The following PGAM5 variants were observed in gnomAD, a reference collection of about 807,000 sequenced individuals.
The protein encoded by PGAM5 is serine/threonine-protein phosphatase PGAM5, mitochondrial.
In PGAM5, 25 loss-of-function variants were observed where a neutral mutation model predicts 30.6. The observed-to-expected ratio is 0.82, with a 90% CI of 0.60 to 1.14. The LOEUF is 1.14. Among genes scored for constraint, PGAM5 ranks in the 50% most tolerant of loss-of-function variants. The pLI is 0.00. For synonymous variants in PGAM5, 201 were observed against 179.1 expected (o/e 1.12, Z -0.98); for missense variants, 384 against 408.5 (o/e 0.94, Z 0.52).
At position 132,720,654 on chromosome 12, in the gene PGAM5, TTCTCTCTC is replaced by T. The variant is rs550724872; in HGVS notation, c.720-13_720-6del. On this transcript the variant is annotated splice_polypyrimidine_tract_variant and intron_variant, in intron 5 of 5. Transcript: ENST00000498926. ...GAGCCCCCTGGCTCTAACGTGCTCT[TTCTCTCTC>T]TCTCTCTCTCCCCAGAGCACTGCAG... 9 of 1,441,402 alleles carry T rather than the reference TTCTCTCTC, an allele frequency of 6.2e-6. No homozygotes were observed. Among genetic ancestry groups the T allele is most frequent in the South Asian group, 1.3e-5 (1 of 77,434 alleles). The allele number at this position is 1,441,402 out of a possible 1,614,324, so 89.3% of individuals were successfully genotyped here. A position where few individuals can be genotyped will look rare whatever the true frequency, so the allele number is the denominator to read the frequency against.
chr12:132,720,633 C>G, intron 5 of PGAM5, 45 bp from the exon 6 acceptor site: 2 of 1,515,668 alleles, frequency 1.3e-6, no homozygotes, highest in Non-Finnish European at 1.8e-6. Context: ...AGGACAGAGC[C>G]CCCTGGCTCT....
intron 2 of PGAM5, among the ~76,000 whole-genome samples, chr12:132,715,993 G>A (rs114321298): frequency 2.1e-4 from 32 of 152,302 alleles, no homozygotes; most frequent in African/African-American, 6.7e-4. Flanking sequence ...CTTGGAAAGC[G>A]GCGTGGCTTG....
chr12:132,719,269 C>T, intron 5 of PGAM5: 1 of 1,082,756 alleles, frequency 9.2e-7, no homozygotes, highest in Non-Finnish European at 1.1e-6. Context: ...GACAGGACGG[C>T]ACTGGTCAGT....
chr12:132,717,640 C>T, intron 3 of PGAM5, 70 bp from the exon 4 acceptor site: 1 of 1,589,942 alleles, frequency 6.3e-7, no homozygotes, highest in Non-Finnish European at 8.6e-7. Flanking sequence ...GAGCTCCTGG[C>T]CACCGGGAGG....
chr12:132,712,375 TTTGG>T (rs1193706535), intron 1 of PGAM5, among the ~76,000 whole-genome samples: 1 of 152,180 alleles, frequency 6.6e-6, no homozygotes, highest in Non-Finnish European at 1.5e-5. Flanking sequence ...TGGTCAGGGG[TTTGG>T]TAGAAGGTCC....
intron 2 of PGAM5, among the ~76,000 whole-genome samples, chr12:132,716,215 A>G (rs1246274609): frequency 1.3e-5 from 2 of 151,964 alleles, no homozygotes; most frequent in Non-Finnish European, 2.9e-5. Context: ...GCTCCCAAGT[A>G]GCTGGGACTA....
intron 5 of PGAM5, chr12:132,719,256 G>A: frequency 8.9e-7 from 1 of 1,118,998 alleles, no homozygotes; most frequent in Non-Finnish European, 1.1e-6. Context: ...CCTGTGGTGG[G>A]AGGACAGGAC....
At chr12:132,718,648 G>C (rs1465350024) in intron 5 of PGAM5, 1 of 1,145,012 alleles carries the variant, frequency 8.7e-7, no homozygotes, top group Admixed American at 1.8e-5. Context: ...TCCTGGGTAC[G>C]GTGCATGCTG....
At chr12:132,712,170 ATTATAG>A (rs1406384962) in intron 1 of PGAM5, among the ~76,000 whole-genome samples, 3 of 152,232 alleles carry the variant, frequency 2.0e-5, no homozygotes, top group Non-Finnish European at 4.4e-5. Flanking sequence ...ATATAGATTA[ATTATAG>A]TTATTATATT....
intron 5 of PGAM5, chr12:132,718,969 ACT>A (rs1399161916): frequency 1.4e-6 from 2 of 1,480,896 alleles, no homozygotes; most frequent in Non-Finnish European, 1.8e-6. Flanking sequence ...CTGGTGCCCC[ACT>A]CTCAGCACCA....
At position 132,720,895 on chromosome 12, in the gene PGAM5, A is replaced by G. The variant is rs1280025750; in HGVS notation, c.*67A>G. On this transcript the variant is annotated 3_prime_UTR_variant, in exon 6 of 6. Coordinates refer to ENST00000498926, the MANE Select transcript of PGAM5 (RefSeq NM_001170543.2). ...CGCACACACTTAACGTTTTGTTCCC[A>G]AGGAGACCGGCGGAAAGTAGAAACC... The G allele has an allele frequency of 2.0e-6, 3 of 1,470,676 alleles. No individual in the cohort carries two copies. The African/African-American group carries it at 4.2e-5, about 21-fold the overall frequency. 91.1% of individuals were successfully genotyped at this position (1,470,676 alleles called of 1,614,324 possible).
At chr12:132,713,699 C>G (rs1231036380) in intron 1 of PGAM5, among the ~76,000 whole-genome samples, 3 of 152,158 alleles carry the variant, frequency 2.0e-5, no homozygotes, top group South Asian at 2.1e-4. Flanking sequence ...GAGACAGGGT[C>G]TCGCTCTGTT....
At chr12:132,718,665 C>G in intron 5 of PGAM5, 1 of 1,350,016 alleles carries the variant, frequency 7.4e-7, no homozygotes, top group East Asian at 2.3e-5. Flanking sequence ...GCTGGGCGTC[C>G]GCACTGCCCT....
At position 132,715,034 on chromosome 12, in the gene PGAM5, T is replaced by C. The variant is rs536775519; in HGVS notation, c.368T>C (p.Leu123Pro). 4 of 1,608,268 alleles carry C rather than the reference T, an allele frequency of 2.5e-6. No homozygotes were observed. Among genetic ancestry groups the C allele is most frequent in the Non-Finnish European group, 3.4e-6 (4 of 1,177,760 alleles). Residue 123 changes from leucine (L) to proline (P), a missense_variant and splice_region_variant, in exon 2 of 6, where the codon CTG becomes CCG. Transcript: ENST00000498926. Reference sequence around the variant, plus strand: ...GAGAAGGACCGCACTCTGACCCCGCTGGGTATGTGGTGGGTTCAGATCCTC... The same window carrying C: ...GAGAAGGACCGCACTCTGACCCCGCCGGGTATGTGGTGGGTTCAGATCCTC... ...SLEKDRTLTP[L>P]GREQAELTGL...
At chr12:132,719,950 C>CTGCT (rs2043626217) in intron 5 of PGAM5, among the ~76,000 whole-genome samples, 2 of 152,266 alleles carry the variant, frequency 1.3e-5, no homozygotes, top group Non-Finnish European at 2.9e-5. Flanking sequence ...CACTAACTGG[C>CTGCT]TGCTCCCTGC....
intron 5 of PGAM5, chr12:132,719,268 G>A: frequency 2.8e-6 from 3 of 1,082,756 alleles, no homozygotes; most frequent in Admixed American, 4.9e-5. Flanking sequence ...GGACAGGACG[G>A]CACTGGTCAG....
intron 1 of PGAM5, among the ~76,000 whole-genome samples, chr12:132,711,967 C>T (rs1162693085): frequency 6.6e-6 from 1 of 152,138 alleles, no homozygotes; most frequent in Non-Finnish European, 1.5e-5. Flanking sequence ...ACTGCTCTAG[C>T]GGCAAGGATG....
intron 1 of PGAM5, among the ~76,000 whole-genome samples, chr12:132,713,666 G>A (rs554495921): frequency 4.6e-5 from 7 of 152,194 alleles, no homozygotes; most frequent in East Asian, 3.9e-4. Context: ...GCTCTGCCGC[G>A]TTGAACTTTT....
rs756641338 is a variant in PGAM5 at position 132,718,082 on chromosome 12, C to A, written c.681C>A (p.Phe227Leu). The A allele has an allele frequency of 7.1e-5, 115 of 1,612,706 alleles. No homozygotes were observed. Among genetic ancestry groups the A allele is most frequent in the Non-Finnish European group, 9.2e-5 (109 of 1,179,994 alleles). ...ARQEEDSYEI[F>L]ICHANVIRYI... ...AGGAGGAGGACAGTTACGAGATCTT[C>A]ATCTGTCACGCCAACGTCATCCGCT... Residue 227 changes from phenylalanine to leucine, a missense_variant, in exon 5 of 6, where the codon TTC (phenylalanine) becomes TTA (leucine). Phe to Leu is a conservative substitution (Grantham distance 22). Coordinates refer to ENST00000498926, the MANE Select transcript of PGAM5 (RefSeq NM_001170543.2).
Sources: allele counts gnomAD v4.1 joint callset (sites outside exome capture counted in the v4.1 genomes callset), GRCh38; gene constraint gnomAD v4.1.1; transcripts MANE v1.5; gene names NCBI Gene and HGNC (gene_info 2026-07-23, HGNC 2026-07-21).